The following KIAA1328 variants were observed in gnomAD, a reference collection of about 807,000 sequenced individuals.
KIAA1328 encodes KIAA1328.
In KIAA1328, 52 loss-of-function variants were observed where a neutral mutation model predicts 68.1. The ratio of observed to expected loss-of-function variants is 0.76; its 90% CI spans 0.61 to 0.96. KIAA1328 has a LOEUF of 0.96. Ranked by LOEUF, KIAA1328 falls within the 40% of genes least tolerant of loss-of-function variation. The probability of loss-of-function intolerance (pLI) is 0.00; values close to 1 mark genes in which losing one functional copy is unlikely to be tolerated. For synonymous variants in KIAA1328, 232 were observed against 239.4 expected (o/e 0.97, Z 0.28); for missense variants, 641 against 677.6 (o/e 0.95, Z 0.60).
intron 7 of KIAA1328, among the ~76,000 whole-genome samples, chr18:37,079,483 T>G (rs2056871852): frequency 6.7e-6 from 1 of 149,884 alleles, no homozygotes. Context: ...AGTATAATAA[T>G]AATAAAATAA....
At position 36,977,901 on chromosome 18, in the gene KIAA1328, A is replaced by G. The variant is rs193205752; in HGVS notation, c.576+18466A>G. Among the ~76,000 whole-genome samples, 1,197 of 152,104 alleles carry G rather than the reference A, an allele frequency of 7.9e-3. 52 individuals are homozygous for G. The highest frequency in any genetic ancestry group is 0.07 in the Admixed American group (1,070 of 15,278). ...CAGGTTCAAGAGATTCTCATGTCTC[A>G]GCCTTTCAAGTAGCTGGAATTACAG... On this transcript the variant is annotated intron_variant, in intron 6 of 9. Transcript: ENST00000280020.
chr18:36,983,251 A>T (rs931062213), intron 6 of KIAA1328, among the ~76,000 whole-genome samples: 5 of 152,120 alleles, frequency 3.3e-5, no homozygotes, highest in African/African-American at 1.2e-4. Flanking sequence ...AATTTAAAGA[A>T]ATAACCTAAA....
chr18:37,004,799 A>G (rs368739422), intron 6 of KIAA1328, among the ~76,000 whole-genome samples: 1 of 152,166 alleles, frequency 6.6e-6, no homozygotes, highest in Non-Finnish European at 1.5e-5. Context: ...ATACTTGCAC[A>G]TGCACGTTTA....
chr18:36,978,582 T>C (rs2052563166), intron 6 of KIAA1328, among the ~76,000 whole-genome samples: 1 of 152,224 alleles, frequency 6.6e-6, no homozygotes, highest in Admixed American at 6.5e-5. Context: ...TTTTTAACTT[T>C]CTTTATATCT....
At chr18:37,023,738 C>G (rs1424389076) in intron 6 of KIAA1328, among the ~76,000 whole-genome samples, 1 of 152,222 alleles carries the variant, frequency 6.6e-6, no homozygotes, top group Admixed American at 6.5e-5. Context: ...CTGATTACTT[C>G]ATTATCTCTG....
chr18:37,229,604 G>C (rs543365638), downstream of KIAA1328: 2 of 1,269,144 alleles, frequency 1.6e-6, no homozygotes, highest in South Asian at 2.6e-5. Flanking sequence ...ATCCAGGCGC[G>C]GTGGCTTACA....
intron 9 of KIAA1328, among the ~76,000 whole-genome samples, chr18:37,216,815 G>T (rs940854965): frequency 6.6e-6 from 1 of 150,946 alleles, no homozygotes; most frequent in Admixed American, 6.6e-5. Flanking sequence ...GGGTGCTCCT[G>T]TATTGGGTGC....
chr18:37,011,076 C>T (rs1195794891), intron 6 of KIAA1328, among the ~76,000 whole-genome samples: 1 of 152,216 alleles, frequency 6.6e-6, no homozygotes, highest in Non-Finnish European at 1.5e-5. Flanking sequence ...GACAGCCTAG[C>T]TCTCACTGCA....
At chr18:36,892,562 C>A (rs2048725647) in intron 5 of KIAA1328, among the ~76,000 whole-genome samples, 1 of 151,962 alleles carries the variant, frequency 6.6e-6, no homozygotes, top group African/African-American at 2.4e-5. Context: ...TGGATAGGGC[C>A]ACTTCGTTCC....
chr18:37,133,007 G>T (rs1230436227), intron 7 of KIAA1328, among the ~76,000 whole-genome samples: 8 of 152,124 alleles, frequency 5.3e-5, no homozygotes, highest in African/African-American at 1.9e-4. Flanking sequence ...TATCCTGTTT[G>T]GTTCCATTTC....
chr18:36,851,683 A>G (rs1315899159), intron 4 of KIAA1328, among the ~76,000 whole-genome samples: 1 of 149,438 alleles, frequency 6.7e-6, no homozygotes, highest in East Asian at 1.9e-4. Flanking sequence ...TATTTACATT[A>G]TCTCTTATTT....
At chr18:37,213,218 A>T (rs1369936470) in intron 9 of KIAA1328, among the ~76,000 whole-genome samples, 1 of 152,210 alleles carries the variant, frequency 6.6e-6, no homozygotes, top group African/African-American at 2.4e-5. Flanking sequence ...TGACATATGT[A>T]TACATGTGCT....
At chr18:37,126,640 AG>A (rs1405540296) in intron 7 of KIAA1328, among the ~76,000 whole-genome samples, 3 of 152,178 alleles carry the variant, frequency 2.0e-5, no homozygotes, top group African/African-American at 7.2e-5. Context: ...CCAAAATCAA[AG>A]ATTATAAGAA....
chr18:36,837,105 G>A (rs1311991404), intron 3 of KIAA1328, among the ~76,000 whole-genome samples: 1 of 152,088 alleles, frequency 6.6e-6, no homozygotes, highest in Non-Finnish European at 1.5e-5. Context: ...CAGTTCTCTT[G>A]TGTATATACC....
At chr18:36,840,711 A>C (rs2046832228) in intron 3 of KIAA1328, among the ~76,000 whole-genome samples, 1 of 152,108 alleles carries the variant, frequency 6.6e-6, no homozygotes, top group South Asian at 2.1e-4. Flanking sequence ...TCGGCCTCCG[A>C]AAGTGCTGGG....
chr18:37,160,122 C>G, intron 7 of KIAA1328, 78 bp from the exon 8 acceptor site: 1 of 1,111,388 alleles, frequency 9.0e-7, no homozygotes, highest in Non-Finnish European at 1.3e-6. Context: ...GCATTTCAAC[C>G]CATACTGAAT....
At chr18:37,096,500 C>T (rs1280340063) in intron 7 of KIAA1328, among the ~76,000 whole-genome samples, 1 of 152,120 alleles carries the variant, frequency 6.6e-6, no homozygotes, top group Non-Finnish European at 1.5e-5. Flanking sequence ...GGATTGGTTC[C>T]AAGTCTTTGC....
chr18:37,036,511 A>G (rs2055033718), intron 6 of KIAA1328, among the ~76,000 whole-genome samples: 1 of 152,248 alleles, frequency 6.6e-6, no homozygotes, highest in African/African-American at 2.4e-5. Flanking sequence ...TGTATTAAAC[A>G]GATGATGACT....
At chr18:37,205,343 G>C (rs954623973) in intron 9 of KIAA1328, among the ~76,000 whole-genome samples, 1 of 152,190 alleles carries the variant, frequency 6.6e-6, no homozygotes, top group African/African-American at 2.4e-5. Flanking sequence ...TATGGGAAGA[G>C]TAAAGTCTGC....
Sources: allele counts gnomAD v4.1 joint callset (sites outside exome capture counted in the v4.1 genomes callset), GRCh38; gene constraint gnomAD v4.1.1; transcripts MANE v1.5; gene names NCBI Gene and HGNC (gene_info 2026-07-23, HGNC 2026-07-21).